The following CDH13 variants were observed in gnomAD, a reference collection of about 807,000 sequenced individuals.
CDH13 encodes the protein cadherin 13, also known as cadherin-13.
CDH13 carries 24 observed loss-of-function variants against 63.8 expected under a neutral mutation model. That is an observed-to-expected ratio of 0.38 (90% CI 0.27 to 0.53). The LOEUF (loss-of-function observed/expected upper bound fraction) is 0.53, where lower values mean the gene tolerates loss of function less well. Ranked by LOEUF, CDH13 falls within the 20% of genes least tolerant of loss-of-function variation. The pLI is 0.85. For synonymous variants in CDH13, 503 were observed against 355.3 expected (o/e 1.42, Z -4.67); for missense variants, 1,049 against 903.1 (o/e 1.16, Z -2.07).
At chr16:82,879,709 C>T (rs1009712312) in intron 2 of CDH13, among the ~76,000 whole-genome samples, 16 of 135,414 alleles carry the variant, frequency 1.2e-4, no homozygotes, top group Non-Finnish European at 2.3e-4. Flanking sequence ...CAGTATGTTT[C>T]ATTATATATA....
In CDH13 at chr16:83,500,219, A is replaced by C. The variant is rs2074239035; in HGVS notation, c.960+13564A>C. On this transcript the variant is annotated intron_variant, in intron 7 of 13. Transcript: ENST00000567109. Reference sequence around the variant, plus strand: ...ACTATCACATTTGAATTCAGACACTAGTTTCTTTCTTCTCCTTCTTCTTCT... The same window carrying C: ...ACTATCACATTTGAATTCAGACACTCGTTTCTTTCTTCTCCTTCTTCTTCT... Among the ~76,000 whole-genome samples the C allele has an allele frequency of 1.3e-5, 2 of 148,588 alleles. 1 individual carries two copies. Among genetic ancestry groups the C allele is most frequent in the Non-Finnish European group, 3.0e-5 (2 of 66,980 alleles).
At chr16:83,318,871 C>T (rs2090161696) in intron 5 of CDH13, among the ~76,000 whole-genome samples, 1 of 151,968 alleles carries the variant, frequency 6.6e-6, no homozygotes. Flanking sequence ...GAATCCTGTG[C>T]TAGATGCTAG....
intron 6 of CDH13, among the ~76,000 whole-genome samples, chr16:83,458,481 G>C (rs2073083592): frequency 6.6e-6 from 1 of 152,012 alleles, no homozygotes. Flanking sequence ...ACAGGTCTTT[G>C]TTTTGATATG....
In CDH13 at chr16:82,701,466, A is replaced by G. The variant is rs372562852; in HGVS notation, c.45+74329A>G. Among the ~76,000 whole-genome samples the G allele has an allele frequency of 3.2e-4, 48 of 152,290 alleles. 1 individual carries two copies. Among genetic ancestry groups the G allele is most frequent in the South Asian group, 2.7e-3 (13 of 4,828 alleles). On this transcript the variant is annotated intron_variant, in intron 1 of 13. Coordinates refer to ENST00000567109, the MANE Select transcript of CDH13 (RefSeq NM_001257.5). ...TGCAAGTGATAGAAACCTACTCCAG[A>G]CTAGCTTTCAGGGAAAAGAAAGGAG...
intron 2 of CDH13, among the ~76,000 whole-genome samples, chr16:82,995,325 G>C (rs1912083285): frequency 6.6e-6 from 1 of 152,202 alleles, no homozygotes; most frequent in African/African-American, 2.4e-5. Flanking sequence ...CTTGCATCTA[G>C]GTATGACCAT....
intron 1 of CDH13, among the ~76,000 whole-genome samples, chr16:82,742,434 C>T (rs866159975): frequency 6.6e-5 from 10 of 152,086 alleles, no homozygotes; most frequent in African/African-American, 2.4e-4. Context: ...GTAACTTGTA[C>T]TGTTAACTGG....
chr16:83,278,650 C>A (rs796751527), intron 5 of CDH13, among the ~76,000 whole-genome samples: 2 of 152,166 alleles, frequency 1.3e-5, no homozygotes, highest in African/African-American at 4.8e-5. Context: ...TACTCTGGAT[C>A]CTGGCAATGC....
chr16:83,743,894 C>T (rs760571256), intron 10 of CDH13, among the ~76,000 whole-genome samples: 1 of 151,740 alleles, frequency 6.6e-6, no homozygotes, highest in Non-Finnish European at 1.5e-5. Context: ...CCACCCCAGC[C>T]TTAGGCATGA....
chr16:82,720,762 G>C (rs2032720675), intron 1 of CDH13, among the ~76,000 whole-genome samples: 1 of 152,066 alleles, frequency 6.6e-6, no homozygotes, highest in African/African-American at 2.4e-5. Flanking sequence ...TATTGTTCAT[G>C]ATGGCCAGGT....
At chr16:83,321,622 G>T (rs1467259604) in intron 5 of CDH13, among the ~76,000 whole-genome samples, 1 of 142,410 alleles carries the variant, frequency 7.0e-6, no homozygotes, top group East Asian at 2.1e-4. Flanking sequence ...TCCACATCCT[G>T]GGTTCACAAC....
At chr16:83,527,434 G>A (rs369384477) in intron 7 of CDH13, among the ~76,000 whole-genome samples, 2 of 151,140 alleles carry the variant, frequency 1.3e-5, no homozygotes, top group African/African-American at 4.9e-5. Context: ...GGGCGACAAA[G>A]CGAGACCCCA....
intron 7 of CDH13, among the ~76,000 whole-genome samples, chr16:83,521,770 G>T (rs565808127): frequency 1.3e-5 from 2 of 152,306 alleles, no homozygotes; most frequent in South Asian, 4.1e-4. Flanking sequence ...CCTGGCTTCA[G>T]AGTTAGAGGG....
At chr16:83,004,267 A>T (rs1398989400) in intron 2 of CDH13, among the ~76,000 whole-genome samples, 3 of 152,286 alleles carry the variant, frequency 2.0e-5, no homozygotes, top group East Asian at 3.9e-4. Flanking sequence ...GGGTCATAGA[A>T]TGCTGCCAAA....
In CDH13 at chr16:83,443,603, G is replaced by A. The variant is rs147038430; in HGVS notation, c.782-42874G>A. Among the ~76,000 whole-genome samples, 351 of 151,234 alleles carry A rather than the reference G, an allele frequency of 2.3e-3. 2 individuals carry two copies. Among genetic ancestry groups the A allele is most frequent in the Middle Eastern group, 6.8e-3 (2 of 292 alleles). On this transcript the variant is annotated intron_variant, in intron 6 of 13. Coordinates refer to ENST00000567109, the MANE Select transcript of CDH13 (RefSeq NM_001257.5). ...GAATCAGTGTCAGACTGGGCTGGTG[G>A]TTCACACCTGTAATCCCAGCACTTA...
intron 3 of CDH13, among the ~76,000 whole-genome samples, chr16:83,052,009 A>G (rs2030391867): frequency 6.6e-6 from 1 of 152,148 alleles, no homozygotes; most frequent in Admixed American, 6.5e-5. Flanking sequence ...AATAATTCAG[A>G]TATTGTAAGA....
intron 6 of CDH13, among the ~76,000 whole-genome samples, chr16:83,485,378 C>A (rs181254484): frequency 3.3e-5 from 5 of 152,336 alleles, no homozygotes; most frequent in Non-Finnish European, 5.9e-5. Context: ...CATTATCTGA[C>A]ACCCTTATCA....
In CDH13 at chr16:82,721,796, G is replaced by A. The variant is rs138611074; in HGVS notation, c.45+94659G>A. Among the ~76,000 whole-genome samples the A allele has an allele frequency of 3.7e-4, 57 of 152,232 alleles. No homozygotes were observed. The East Asian group carries it at 9.8e-3, about 26-fold the overall frequency. On this transcript the variant is annotated intron_variant, in intron 1 of 13. Transcript: ENST00000567109. ...GTACTTCCAGTGAGCTAAGTTTTGG[G>A]GTCAGTCTGGTCACTGTGATGGAGC...
chr16:82,956,706 C>G (rs995150311), intron 2 of CDH13, among the ~76,000 whole-genome samples: 1 of 152,178 alleles, frequency 6.6e-6, no homozygotes, highest in African/African-American at 2.4e-5. Flanking sequence ...AGAGCCAAAC[C>G]AAATCTCTTA....
At chr16:82,895,284 A>G (rs1410916715) in intron 2 of CDH13, among the ~76,000 whole-genome samples, 2 of 152,202 alleles carry the variant, frequency 1.3e-5, no homozygotes, top group African/African-American at 2.4e-5. Flanking sequence ...TATTAAGAAG[A>G]AAAGACACCC....
Sources: gnomAD v4.1 joint callset for allele counts (sites outside exome capture counted in the v4.1 genomes callset) on GRCh38, gnomAD v4.1.1 for gene constraint, MANE v1.5 for transcripts, NCBI Gene and HGNC (gene_info 2026-07-23, HGNC 2026-07-21) for gene names.